The following ANK2 variants were observed in gnomAD, a reference collection of about 807,000 sequenced individuals.
The protein encoded by ANK2 is ankyrin-2.
Under a neutral mutation model 360.5 loss-of-function variants are expected in ANK2, and 83 were observed. That is an observed-to-expected ratio of 0.23 (90% confidence interval 0.19 to 0.28). The LOEUF (loss-of-function observed/expected upper bound fraction) is 0.28, where lower values mean the gene tolerates loss of function less well. Ranked by LOEUF, ANK2 falls within the 10% of genes least tolerant of loss-of-function variation. The pLI is 1.00. For synonymous variants in ANK2, 1,740 were observed against 1,759.5 expected, an observed-to-expected ratio of 0.99 and a Z score of 0.28; for missense variants, 4,201 against 4,795.7, an observed-to-expected ratio of 0.88 and a Z score of 3.66.
At chr4:112,839,579 C>T (rs1190347798) in intron 1 of ANK2, among the ~76,000 whole-genome samples, 2 of 152,152 alleles carry the variant, frequency 1.3e-5, no homozygotes, top group South Asian at 2.1e-4. Context: ...AAATGAATGC[C>T]ATTCTGTGTA....
the ANK2 span, among the ~76,000 whole-genome samples, chr4:112,742,515 AAGG>A: frequency 6.6e-6 from 1 of 152,174 alleles, no homozygotes; most frequent in East Asian, 1.9e-4. Flanking sequence ...TTGCCTTGAT[AAGG>A]AGGAGTTTGA....
intron 18 of ANK2, among the ~76,000 whole-genome samples, chr4:113,286,216 A>G (rs2064491613): frequency 6.6e-6 from 1 of 152,220 alleles, no homozygotes. Flanking sequence ...AGTAAGGAGA[A>G]AATTAAGAAA....
intron 11 of ANK2, among the ~76,000 whole-genome samples, chr4:113,257,139 C>T (rs948249265): frequency 2.0e-5 from 3 of 152,116 alleles, no homozygotes; most frequent in African/African-American, 4.8e-5. Context: ...TGTGTAAAAA[C>T]GTTGACTGAT....
At chr4:113,262,250 C>T (rs929838594) in intron 13 of ANK2, among the ~76,000 whole-genome samples, 14 of 152,132 alleles carry the variant, frequency 9.2e-5, no homozygotes, top group African/African-American at 2.2e-4. Flanking sequence ...TTCTGAGACA[C>T]GACCTTGCCC....
At chr4:113,064,176 G>T (rs1278985298) in intron 1 of ANK2, among the ~76,000 whole-genome samples, 1 of 152,064 alleles carries the variant, frequency 6.6e-6, no homozygotes, top group Non-Finnish European at 1.5e-5. Context: ...TGATAGTAGA[G>T]AAATTTTTCC....
chr4:113,207,205 AT>A (rs1482423639), intron 4 of ANK2, among the ~76,000 whole-genome samples: 1 of 152,220 alleles, frequency 6.6e-6, no homozygotes, highest in Non-Finnish European at 1.5e-5. Context: ...AATTAATACA[AT>A]TATATTTTGC....
At chr4:112,881,943 A>G (rs1423543291) in intron 1 of ANK2, 1 of 652,894 alleles carries the variant, frequency 1.5e-6, no homozygotes, top group African/African-American at 1.8e-5. Flanking sequence ...CACGGCTGCC[A>G]TCTACCTCCT....
At chr4:113,087,561 G>A (rs1021320503) in intron 1 of ANK2, among the ~76,000 whole-genome samples, 28 of 151,984 alleles carry the variant, frequency 1.8e-4, no homozygotes, top group African/African-American at 6.8e-4. Flanking sequence ...TTATTAACAA[G>A]CAATTAAAAT....
intron 1 of ANK2, among the ~76,000 whole-genome samples, chr4:112,892,828 A>C (rs1409811002): frequency 6.6e-6 from 1 of 152,176 alleles, no homozygotes; most frequent in Non-Finnish European, 1.5e-5. Flanking sequence ...AGATCATAGG[A>C]TATGGGATAT....
At chr4:113,141,334 G>A (rs547365905) in intron 1 of ANK2, 19 of 152,308 alleles carry the variant, frequency 1.2e-4, no homozygotes, top group African/African-American at 4.1e-4. Flanking sequence ...CCCAGAGAGT[G>A]AGAAACCATG....
At chr4:112,945,474 T>A (rs188378521) in intron 2 of ANK2, among the ~76,000 whole-genome samples, 1 of 152,208 alleles carries the variant, frequency 6.6e-6, no homozygotes, top group East Asian at 1.9e-4. Flanking sequence ...AATCGCAGGG[T>A]CAGAGCTACC....
At chr4:112,796,539 G>A in the ANK2 span, among the ~76,000 whole-genome samples, 2 of 150,672 alleles carry the variant, frequency 1.3e-5, no homozygotes, top group African/African-American at 2.4e-5. Context: ...AAATAGAGAC[G>A]GGTTCTCACC....
intron 2 of ANK2, among the ~76,000 whole-genome samples, chr4:113,026,138 C>T (rs1023140705): frequency 2.6e-5 from 4 of 152,158 alleles, no homozygotes; most frequent in Non-Finnish European, 5.9e-5. Flanking sequence ...GCCACGGACA[C>T]TTGGGACCTG....
intron 2 of ANK2, among the ~76,000 whole-genome samples, chr4:113,042,311 G>T (rs2063161025): frequency 6.6e-6 from 1 of 152,096 alleles, no homozygotes; most frequent in Non-Finnish European, 1.5e-5. Flanking sequence ...CAGGCCTTTG[G>T]CCTCAGCCTG....
intron 2 of ANK2, among the ~76,000 whole-genome samples, chr4:113,017,368 T>TAA (rs879325031): frequency 1.4e-5 from 2 of 145,040 alleles, no homozygotes; most frequent in Non-Finnish European, 3.0e-5. Context: ...TTTTTTTAAT[T>TAA]AAAAAAAAAA....
chr4:112,846,806 G>A (rs2063424267), intron 1 of ANK2, among the ~76,000 whole-genome samples: 1 of 152,082 alleles, frequency 6.6e-6, no homozygotes, highest in Admixed American at 6.6e-5. Flanking sequence ...GGGTCGTTTT[G>A]CCCATGAGGT....
At chr4:113,166,815 T>C (rs1323704593) in intron 1 of ANK2, among the ~76,000 whole-genome samples, 2 of 152,152 alleles carry the variant, frequency 1.3e-5, no homozygotes, top group Non-Finnish European at 2.9e-5. Context: ...TCTGGTCTTC[T>C]TGAATTTGTA....
At chr4:113,293,147 A>G (rs977176962) in intron 21 of ANK2, 16 of 506,824 alleles carry the variant, frequency 3.2e-5, no homozygotes, top group African/African-American at 2.9e-4. Flanking sequence ...TCTTAAGTGC[A>G]ATACAGTATT....
chr4:113,123,679 A>C (rs1021488308), intron 1 of ANK2, among the ~76,000 whole-genome samples: 1 of 152,140 alleles, frequency 6.6e-6, no homozygotes, highest in East Asian at 1.9e-4. Flanking sequence ...TCCCATTCAT[A>C]ATAAGTCAGA....
Sources: allele counts gnomAD v4.1 joint callset (sites outside exome capture counted in the v4.1 genomes callset), GRCh38; gene constraint gnomAD v4.1.1; transcripts MANE v1.5; gene names NCBI Gene and HGNC (gene_info 2026-07-23, HGNC 2026-07-21).